The following FHIT variants were observed in gnomAD, a reference collection of about 807,000 sequenced individuals.
FHIT encodes fragile histidine triad diadenosine triphosphatase.
FHIT carries 19 observed loss-of-function variants against 17.9 expected under a neutral mutation model. The observed-to-expected ratio is 1.06, with a 90% CI of 0.74 to 1.56. The LOEUF is 1.56. Among genes scored for constraint, FHIT ranks in the 40% most tolerant of loss-of-function variants. The pLI, the probability that FHIT is intolerant of heterozygous loss-of-function variation, is 0.00. For missense variants in FHIT, 248 were observed against 189.2 expected (o/e 1.31, Z -1.82); for synonymous variants, 81 against 69.7 (o/e 1.16, Z -0.81).
intron 5 of FHIT, among the ~76,000 whole-genome samples, chr3:60,144,987 T>C (rs987799465): frequency 6.6e-6 from 1 of 152,126 alleles, no homozygotes; most frequent in Non-Finnish European, 1.5e-5. Context: ...CCCAAATGAT[T>C]TGGAGGAAAA....
chr3:60,930,290 T>C (rs565560772), intron 3 of FHIT, among the ~76,000 whole-genome samples: 1,773 of 152,182 alleles, frequency 0.012, 29 homozygotes, highest in African/African-American at 0.04. Context: ...CAATACCATT[T>C]AGGACATAGG....
At position 59,971,922 on chromosome 3, in the gene FHIT, T is replaced by C. The variant is rs183545081; in HGVS notation, c.279+39449A>G. ...AAATTGCACCAACGTCAGTGCCTTA[T>C]TCCATCTCATTTCTCCCATTCAGTT... On this transcript the variant is annotated intron_variant, in intron 7 of 9. Transcript: ENST00000492590. Among the ~76,000 whole-genome samples the C allele has an allele frequency of 1.8e-4, 27 of 152,298 alleles. No individual in the cohort carries two copies. In the East Asian group the frequency reaches 4.4e-3, roughly 25 times the overall value.
At chr3:60,756,185 T>C (rs2108042546) in intron 4 of FHIT, among the ~76,000 whole-genome samples, 1 of 152,374 alleles carries the variant, frequency 6.6e-6, no homozygotes, top group African/African-American at 2.4e-5. Context: ...CTTGATTCTC[T>C]GTAGAGAGAG....
At chr3:60,110,858 T>C (rs1316403779) in intron 5 of FHIT, among the ~76,000 whole-genome samples, 1 of 152,208 alleles carries the variant, frequency 6.6e-6, no homozygotes, top group Non-Finnish European at 1.5e-5. Flanking sequence ...ATTTTTCATG[T>C]TTCAATTATG....
At chr3:61,225,606 A>T (rs1417346243) in intron 1 of FHIT, among the ~76,000 whole-genome samples, 2 of 152,264 alleles carry the variant, frequency 1.3e-5, no homozygotes, top group Non-Finnish European at 2.9e-5. Flanking sequence ...CTGCGGTTTC[A>T]GTAATAGCTA....
chr3:60,099,238 C>G (rs145478454), intron 5 of FHIT, among the ~76,000 whole-genome samples: 294 of 152,244 alleles, frequency 1.9e-3, no homozygotes, highest in African/African-American at 6.5e-3. Flanking sequence ...CTCTTGATAA[C>G]TTATCCATCT....
At chr3:60,827,192 A>T (rs1453989866) in intron 3 of FHIT, among the ~76,000 whole-genome samples, 1 of 152,202 alleles carries the variant, frequency 6.6e-6, no homozygotes, top group Non-Finnish European at 1.5e-5. Context: ...AAGTTCAGTA[A>T]TCATGAAGTG....
chr3:61,028,981 G>A (rs1039521873), intron 3 of FHIT, among the ~76,000 whole-genome samples: 1 of 152,028 alleles, frequency 6.6e-6, no homozygotes, highest in East Asian at 1.9e-4. Context: ...GTCTAGGTCA[G>A]GCACAGCTAC....
chr3:61,228,308 C>A (rs1432678596), intron 1 of FHIT, among the ~76,000 whole-genome samples: 1 of 152,170 alleles, frequency 6.6e-6, no homozygotes, highest in Non-Finnish European at 1.5e-5. Context: ...TTCTTATCAT[C>A]AAGGGCGGGA....
chr3:60,514,886 G>C (rs567336077), intron 5 of FHIT, among the ~76,000 whole-genome samples: 1 of 151,764 alleles, frequency 6.6e-6, no homozygotes, highest in Non-Finnish European at 1.5e-5. Flanking sequence ...CCCACCAACA[G>C]CCACACTGAC....
At chr3:60,466,221 T>C (rs1217386328) in intron 5 of FHIT, among the ~76,000 whole-genome samples, 1 of 152,110 alleles carries the variant, frequency 6.6e-6, no homozygotes, top group Non-Finnish European at 1.5e-5. Context: ...CTGATTTTTG[T>C]ATGTTGATTT....
At chr3:61,047,359 C>A (rs370006690) in intron 2 of FHIT, among the ~76,000 whole-genome samples, 4 of 152,286 alleles carry the variant, frequency 2.6e-5, no homozygotes, top group Admixed American at 6.5e-5. Context: ...AGAGCCAAAT[C>A]ATGAGTGAAC....
Position 60,668,092 on chromosome 3 carries a change from T to C in FHIT, c.-17-131113A>G, listed in dbSNP as rs572568413. On this transcript the variant is annotated intron_variant, in intron 4 of 9. Transcript: ENST00000492590. ...GTGGTTGCATCCTTGTTGCTGGTTA[T>C]GTCTTCTTGCCCCAGTGACTCTAGA... is the stretch of plus-strand genomic sequence containing the variant. Among the ~76,000 whole-genome samples, 8 of 152,148 alleles carry C rather than the reference T, an allele frequency of 5.3e-5. No individual in the cohort carries two copies. The South Asian group carries it at 1.5e-3, about 28-fold the overall frequency.
chr3:60,821,325 A>G (rs1701923817), intron 4 of FHIT, among the ~76,000 whole-genome samples: 1 of 152,166 alleles, frequency 6.6e-6, no homozygotes, highest in South Asian at 2.1e-4. Context: ...GCATACAGAT[A>G]AGTGATTATT....
At chr3:60,675,230 C>T (rs1553694960) in intron 4 of FHIT, among the ~76,000 whole-genome samples, 1 of 152,214 alleles carries the variant, frequency 6.6e-6, no homozygotes, top group Non-Finnish European at 1.5e-5. Context: ...TTCATTGTGG[C>T]TTGAAAACTA....
chr3:59,961,337 A>G (rs1707668349), intron 7 of FHIT, among the ~76,000 whole-genome samples: 1 of 152,206 alleles, frequency 6.6e-6, no homozygotes, highest in African/African-American at 2.4e-5. Flanking sequence ...TTACTTAATT[A>G]TTAGATACTG....
At chr3:60,878,245 T>C (rs557610797) in intron 3 of FHIT, among the ~76,000 whole-genome samples, 5 of 151,944 alleles carry the variant, frequency 3.3e-5, no homozygotes, top group African/African-American at 9.6e-5. Flanking sequence ...CTACAGAGAG[T>C]GAACCTGTAC....
At chr3:60,359,742 T>A (rs2106990553) in intron 5 of FHIT, among the ~76,000 whole-genome samples, 1 of 152,306 alleles carries the variant, frequency 6.6e-6, no homozygotes, top group African/African-American at 2.4e-5. Context: ...TTCCAGTGTA[T>A]TCCAGACAGG....
chr3:60,346,683 G>A (rs918073463), intron 5 of FHIT, among the ~76,000 whole-genome samples: 3 of 152,180 alleles, frequency 2.0e-5, no homozygotes, highest in African/African-American at 4.8e-5. Flanking sequence ...CAAGAACCCA[G>A]TTTTAGCTGA....
Sources: allele counts gnomAD v4.1 joint callset (sites outside exome capture counted in the v4.1 genomes callset), GRCh38; gene constraint gnomAD v4.1.1; transcripts MANE v1.5; gene names NCBI Gene and HGNC (gene_info 2026-07-23, HGNC 2026-07-21).